The following UBAP2 variants were observed in gnomAD, a reference collection of about 807,000 sequenced individuals.
UBAP2 encodes the protein ubiquitin associated protein 2.
Under a neutral mutation model 139.6 loss-of-function variants are expected in UBAP2, and 75 were observed. The ratio of observed to expected loss-of-function variants is 0.54; its 90% CI spans 0.45 to 0.65. The LOEUF is 0.65. Among genes scored for constraint, UBAP2 ranks in the 30% least tolerant of loss-of-function variants. The pLI is 0.00. For missense variants in UBAP2, 1,368 were observed against 1,369.6 expected, an observed-to-expected ratio of 1.00 and a Z score of 0.02; for synonymous variants, 526 against 526.2, an observed-to-expected ratio of 1.00 and a Z score of 0.01.
At chr9:34,041,656 G>A (rs989978706) in intron 1 of UBAP2, among the ~76,000 whole-genome samples, 2 of 152,102 alleles carry the variant, frequency 1.3e-5, no homozygotes, top group African/African-American at 2.4e-5. Context: ...GAGAAGCCGA[G>A]ATCGTGCCAC....
Position 34,038,388 on chromosome 9 carries a change from T to C in UBAP2, c.-42+10437A>G, listed in dbSNP as rs575343906. ...GGCTCACTGCAACCTCCCTGCCTGA[T>C]TCTCCTGCCTCGGCCTGCCAAGTGC... On this transcript the variant is annotated intron_variant, in intron 1 of 28. Coordinates refer to ENST00000379238, the MANE Select transcript of UBAP2 (RefSeq NM_001370062.2). Among the ~76,000 whole-genome samples, 21 of 152,270 alleles carry C rather than the reference T, an allele frequency of 1.4e-4. No homozygotes were observed. In the South Asian group the frequency reaches 4.1e-3, roughly 30 times the overall value.
intron 1 of UBAP2, among the ~76,000 whole-genome samples, chr9:34,020,676 T>C: frequency 6.6e-6 from 1 of 151,540 alleles, no homozygotes; most frequent in East Asian, 1.9e-4. Flanking sequence ...TTTTTTTTTT[T>C]TGAGACAGAG....
rs185899630 is a variant in UBAP2 at position 33,929,895 on chromosome 9, T to C, written c.2176-1903A>G. ...GGCGTGTGCCTGTAATCCCAGCTAC[T>C]AGGGAGGCTGAGGCAGGAGAACTGC... On this transcript the variant is annotated intron_variant, in intron 19 of 28. Transcript: ENST00000379238. Among the ~76,000 whole-genome samples the C allele has an allele frequency of 6.8e-4, 103 of 152,156 alleles. 1 individual carries two copies. Among genetic ancestry groups the C allele is most frequent in the African/African-American group, 2.3e-3 (94 of 41,516 alleles).
At position 33,922,799 on chromosome 9, in the gene UBAP2, A is replaced by G; in HGVS notation, c.3152T>C (p.Leu1051Pro). The G allele has an allele frequency of 6.4e-7, 1 of 1,564,278 alleles. No individual in the cohort carries two copies. The highest frequency in any genetic ancestry group is 8.7e-7 in the Non-Finnish European group (1 of 1,154,946). ...ATAGCCAGGGGCCGCTCCCGAGGCC[A>G]GGGGCCCAGTGGAGCCCAAGACCGA... is the stretch of plus-strand genomic sequence containing the variant. ...LPSVLGSTGP[L>P]ASGAAPGYAP... The change falls in exon 28 of 29, where the codon CTG becomes CCG. Residue 1051 changes from leucine (L) to proline (P), a missense_variant. Physicochemically the swap from Leu to Pro is moderately conservative, Grantham distance 98. Transcript: ENST00000379238.
In UBAP2 at chr9:33,963,762, G is replaced by C; in HGVS notation, c.709C>G (p.Gln237Glu). 6.2e-7 allele frequency: 1 copy of C among 1,612,712 alleles called. No individual in the cohort carries two copies. Among genetic ancestry groups the C allele is most frequent in the South Asian group, 1.1e-5 (1 of 90,998 alleles). ...ELASNTHNIA[Q>E]DLSNKSSYGL... ...TAAGAACTTTTGTTTGACAGATCCT[G>C]AGCTATGTTGTGAGTATTTGATGCC... Residue 237 changes from glutamine to glutamate, a missense_variant, in exon 9 of 29, where the codon CAG becomes GAG. Coordinates refer to ENST00000379238, the MANE Select transcript of UBAP2 (RefSeq NM_001370062.2).
chr9:34,043,107 C>T (rs1475058275), intron 1 of UBAP2, among the ~76,000 whole-genome samples: 1 of 152,124 alleles, frequency 6.6e-6, no homozygotes, highest in African/African-American at 2.4e-5. Flanking sequence ...CCCCCAACCA[C>T]CTTCTACGTT....
rs977644034 is a variant in UBAP2 at position 33,944,419 on chromosome 9, C to G, written c.1491G>C (p.Gln497His). 2.5e-6 allele frequency: 4 copies of G among 1,614,108 alleles called. No individual in the cohort carries two copies. The highest frequency in any genetic ancestry group is 3.4e-6 in the Non-Finnish European group (4 of 1,180,032). Residue 497 changes from glutamine to histidine, a missense_variant, in exon 14 of 29, where the codon CAG (glutamine) becomes CAC (histidine). Physicochemically the swap from Gln to His is conservative, Grantham distance 24. Transcript: ENST00000379238. ...TIENISVSVH[Q>H]PQPKHIKLAK... ...CAAGTTTGATGTGTTTGGGCTGTGG[C>G]TGGTGGACAGACACAGAGATATTTT...
rs563343080 is a variant in UBAP2 at position 33,953,439 on chromosome 9, G to T, written c.902C>A (p.Pro301His). ...GTTGGCTTCTGAGGCTTGACTGTGA[G>T]GAACAGGCTTCTGGAGCAAGGCTAC... ...DLVALLQKPV[P>H]HSQASEANSF... is the part of the protein sequence containing the mutation. The change falls in exon 12 of 29, where the codon CCT becomes CAT. Residue 301 changes from proline to histidine, a missense_variant. Pro to His is a moderately conservative substitution (Grantham distance 77). Transcript: ENST00000379238. 1.9e-6 allele frequency: 3 copies of T among 1,614,080 alleles called. No homozygotes were observed. The highest frequency in any genetic ancestry group is 1.7e-5 in the Admixed American group (1 of 60,016).
intron 8 of UBAP2, among the ~76,000 whole-genome samples, chr9:33,969,249 G>GT (rs1486352115): frequency 6.6e-6 from 1 of 152,184 alleles, no homozygotes; most frequent in African/African-American, 2.4e-5. Context: ...GATTTGACTT[G>GT]TTTTTTAAAA....
At position 33,923,819 on chromosome 9, in the gene UBAP2, G is replaced by C. The variant is rs372562789; in HGVS notation, c.2772C>G (p.Ala924=). 3 of 1,614,210 alleles carry C rather than the reference G, an allele frequency of 1.9e-6. No individual in the cohort carries two copies. The highest frequency in any genetic ancestry group is 2.5e-6 in the Non-Finnish European group (3 of 1,180,030). Residue 924 remains alanine, a synonymous_variant, in exon 24 of 29, where the codon GCC becomes GCG. Coordinates refer to ENST00000379238, the MANE Select transcript of UBAP2 (RefSeq NM_001370062.2). ...GLPYYTGMPS[A]FQYGPTMFVP... is the part of the protein sequence containing the mutation. ...CAAACATGGTGGGGCCATACTGGAA[G>C]GCACTGGGCATGCCTGTGTAGTAGG...
intron 2 of UBAP2, among the ~76,000 whole-genome samples, chr9:34,009,227 T>C (rs1252234534): frequency 1.3e-5 from 2 of 151,754 alleles, no homozygotes; most frequent in Non-Finnish European, 2.9e-5. Context: ...ACCCTTCAAG[T>C]AGCTGGGATT....
chr9:33,924,274 C>G lies in UBAP2; in HGVS notation c.2522G>C (p.Gly841Ala). 6.2e-7 allele frequency: 1 copy of G among 1,614,052 alleles called. No individual in the cohort carries two copies. The highest frequency in any genetic ancestry group is 8.5e-7 in the Non-Finnish European group (1 of 1,179,952). Reference protein sequence around the residue: ...LQSRLPVDYYGIPFAAPTALA... With the variant: ...LQSRLPVDYYAIPFAAPTALA... ...CGCTGTGGGTGCAGCAAAGGGAATTCCATAGTAGTCCTAGGAGAGACCAGG... is the reference window on the plus strand; with the variant it reads ...CGCTGTGGGTGCAGCAAAGGGAATTGCATAGTAGTCCTAGGAGAGACCAGG... The change falls in exon 23 of 29, where the codon GGA becomes GCA. Residue 841 changes from glycine to alanine, a missense_variant. Transcript: ENST00000379238.
chr9:33,973,008 G>C (rs540300754), intron 7 of UBAP2, among the ~76,000 whole-genome samples, 175 bp downstream of exon 7: 1 of 152,050 alleles, frequency 6.6e-6, no homozygotes, highest in African/African-American at 2.4e-5. Flanking sequence ...CTGCTCTAAT[G>C]CCTGTTTAAA....
intron 1 of UBAP2, among the ~76,000 whole-genome samples, chr9:34,037,583 A>G (rs1308088795): frequency 6.6e-6 from 1 of 152,202 alleles, no homozygotes; most frequent in Non-Finnish European, 1.5e-5. Flanking sequence ...AAAAAGTTAC[A>G]TTTTATCCTA....
chr9:33,945,126 T>A (rs1381379526), intron 13 of UBAP2, among the ~76,000 whole-genome samples: 2 of 144,660 alleles, frequency 1.4e-5, no homozygotes, highest in Admixed American at 6.9e-5. Context: ...CAAGACCATG[T>A]CTTCATCCAA....
At chr9:33,973,043 T>G (rs945627827) in intron 7 of UBAP2, 140 bp downstream of exon 7, 15 of 742,054 alleles carry the variant, frequency 2.0e-5, no homozygotes, top group Non-Finnish European at 3.4e-5. Context: ...CATATTATTT[T>G]TCTTATTTGT....
chr9:34,005,372 G>A (rs1823108182), intron 2 of UBAP2, among the ~76,000 whole-genome samples: 1 of 149,764 alleles, frequency 6.7e-6, no homozygotes, highest in Non-Finnish European at 1.5e-5. Flanking sequence ...GAGGCAGAGG[G>A]TGCAGTGAGC....
At chr9:33,962,529 C>CT (rs1827128893) in intron 9 of UBAP2, among the ~76,000 whole-genome samples, 1 of 151,844 alleles carries the variant, frequency 6.6e-6, no homozygotes, top group Non-Finnish European at 1.5e-5. Flanking sequence ...GCCTGTAGTC[C>CT]CAGCTACTGA....
chr9:33,959,586 T>G (rs935835707), intron 10 of UBAP2, among the ~76,000 whole-genome samples: 6 of 152,190 alleles, frequency 3.9e-5, no homozygotes, highest in African/African-American at 1.4e-4. Context: ...ATCCCTTTTT[T>G]CTCTTTATTA....
Sources: gnomAD v4.1 joint callset for allele counts (sites outside exome capture counted in the v4.1 genomes callset) on GRCh38, gnomAD v4.1.1 for gene constraint, MANE v1.5 for transcripts, NCBI Gene and HGNC (gene_info 2026-07-23, HGNC 2026-07-21) for gene names.